The following MICAL3 variants were observed in gnomAD, a reference collection of about 807,000 sequenced individuals.
The protein encoded by MICAL3 is [F-actin]-monooxygenase MICAL3.
In MICAL3, 62 loss-of-function variants were observed where a neutral mutation model predicts 207.4. The observed-to-expected ratio is 0.30, with a 90% CI of 0.24 to 0.37. The LOEUF is 0.37. Ranked by LOEUF, MICAL3 falls within the 10% of genes least tolerant of loss-of-function variation. MICAL3 has a pLI of 1.00. For missense variants in MICAL3, 2,368 were observed against 2,635.6 expected, an observed-to-expected ratio of 0.90 and a Z score of 2.22; for synonymous variants, 1,077 against 1,069.3, an observed-to-expected ratio of 1.01 and a Z score of -0.14.
intron 1 of MICAL3, among the ~76,000 whole-genome samples, chr22:17,936,139 C>A (rs1034776318): frequency 1.3e-5 from 2 of 152,108 alleles, no homozygotes; most frequent in African/African-American, 4.8e-5. Flanking sequence ...ATGTTTATTG[C>A]GGCACTATTC....
intron 12 of MICAL3, 101 bp from the exon 13 acceptor site, chr22:17,889,331 A>C: frequency 2.4e-6 from 2 of 844,210 alleles, no homozygotes; most frequent in Non-Finnish European, 3.7e-6. Flanking sequence ...TTTCAGCTAA[A>C]ATCCAGGGTG....
chr22:17,948,152 C>G (rs5992910), intron 1 of MICAL3, among the ~76,000 whole-genome samples: 3,721 of 152,312 alleles, frequency 0.024, 142 homozygotes, highest in African/African-American at 0.078. Context: ...AAAGAAATCA[C>G]ACTGCAGTCT....
At chr22:17,932,784 A>G (rs958290627) in intron 1 of MICAL3, among the ~76,000 whole-genome samples, 3 of 152,232 alleles carry the variant, frequency 2.0e-5, no homozygotes, top group African/African-American at 7.2e-5. Flanking sequence ...AGATCTACCA[A>G]GCAAATGGAA....
At position 17,896,416 on chromosome 22, in the gene MICAL3, G is replaced by A. The variant is rs552778585; in HGVS notation, c.1207-55C>T. The A allele has an allele frequency of 4.2e-4, 461 of 1,104,606 alleles. 2 individuals are homozygous for A. Among genetic ancestry groups the A allele is most frequent in the Middle Eastern group, 1.4e-3 (7 of 5,030 alleles). 68.4% of individuals were successfully genotyped at this position (1,104,606 alleles called of 1,614,324 possible). On this transcript the variant is annotated intron_variant, in intron 8 of 31. Transcript: ENST00000441493. ...AAATATAACACACCTTTCAAAATGG[G>A]AAAAATAAACTAAGGAACAAAGAGT...
intron 29 of MICAL3, among the ~76,000 whole-genome samples, chr22:17,799,360 C>T (rs1162016683): frequency 6.6e-6 from 1 of 152,122 alleles, no homozygotes; most frequent in African/African-American, 2.4e-5. Context: ...GGTTCCAGCC[C>T]GGGTGACAGA....
At chr22:18,020,994 C>T (rs374425865) in intron 1 of MICAL3, among the ~76,000 whole-genome samples, 177 of 152,052 alleles carry the variant, frequency 1.2e-3, no homozygotes, top group African/African-American at 4.2e-3. Context: ...GATTTCATGA[C>T]TCACTGATGA....
intron 20 of MICAL3, chr22:17,834,498 T>A (rs1055349262): frequency 5.6e-6 from 7 of 1,258,854 alleles, no homozygotes; most frequent in Non-Finnish European, 6.2e-6. Flanking sequence ...GGTGGATCAT[T>A]TGAGCCCAGG....
At chr22:17,962,893 A>G (rs913258726) in intron 1 of MICAL3, among the ~76,000 whole-genome samples, 8 of 152,034 alleles carry the variant, frequency 5.3e-5, no homozygotes, top group African/African-American at 1.9e-4. Context: ...TAGCCTCAGG[A>G]GCACACCACC....
intron 21 of MICAL3, among the ~76,000 whole-genome samples, chr22:17,830,201 A>C (rs993045484): frequency 6.6e-6 from 1 of 152,072 alleles, no homozygotes; most frequent in Non-Finnish European, 1.5e-5. Flanking sequence ...GGAATCCCAC[A>C]GCGCGATCAA....
At chr22:17,956,885 C>T (rs1381973218) in intron 1 of MICAL3, among the ~76,000 whole-genome samples, 1 of 152,190 alleles carries the variant, frequency 6.6e-6, no homozygotes, top group African/African-American at 2.4e-5. Flanking sequence ...CTTACTAGAG[C>T]CAGTGATGCA....
Position 17,904,836 on chromosome 22 carries a change from G to C in MICAL3, c.268C>G (p.Leu90Val), listed in dbSNP as rs1931599800. The C allele has an allele frequency of 6.2e-7, 1 of 1,612,224 alleles. No individual in the cohort carries two copies. Among genetic ancestry groups the C allele is most frequent in the Non-Finnish European group, 8.5e-7 (1 of 1,178,418 alleles). ...KGKACTNTKC[L>V]IIGAGPCGLR... ...CCACAGGGGCCAGCCCCAATGATGA[G>C]ACACTGAAAAACACAGCTGCTTTCA... The change falls in exon 3 of 32, where the codon CTC (leucine) becomes GTC (valine). Residue 90 changes from leucine (L) to valine (V), a missense_variant. Leu to Val is a conservative substitution (Grantham distance 32). Transcript: ENST00000441493.
At position 17,931,883 on chromosome 22, in the gene MICAL3, C is replaced by CAAAA. The variant is rs548468070; in HGVS notation, c.-74-24998_-74-24997insTTTT. Among the ~76,000 whole-genome samples, 520 of 152,314 alleles carry CAAAA rather than the reference C, an allele frequency of 3.4e-3. 1 individual carries two copies. Among genetic ancestry groups the CAAAA allele is most frequent in the African/African-American group, 0.012 (484 of 41,556 alleles). Reference sequence around the variant, plus strand: ...TCTTGCCACCTTTCACTTCATTTGGCACATTATTTATTGAGTGCACAGTAT... The same window carrying CAAAA: ...TCTTGCCACCTTTCACTTCATTTGGCAAAAACATTATTTATTGAGTGCACAGTAT... On this transcript the variant is annotated intron_variant, in intron 1 of 31. Transcript: ENST00000441493.
chr22:17,985,377 A>C, intron 1 of MICAL3, among the ~76,000 whole-genome samples: 1 of 151,404 alleles, frequency 6.6e-6, no homozygotes, highest in Admixed American at 6.6e-5. Flanking sequence ...CGTAACCTCT[A>C]CTCCCTCTGC....
chr22:17,894,882 C>T (rs1356081441), intron 10 of MICAL3, among the ~76,000 whole-genome samples: 2 of 151,788 alleles, frequency 1.3e-5, no homozygotes, highest in Non-Finnish European at 2.9e-5. Flanking sequence ...TGTGAGTAGT[C>T]AGGGATTATT....
chr22:17,926,139 A>G (rs1932920314), intron 1 of MICAL3, among the ~76,000 whole-genome samples: 1 of 152,142 alleles, frequency 6.6e-6, no homozygotes, highest in African/African-American at 2.4e-5. Context: ...CAAAGATGCA[A>G]TGAAAGGACA....
intron 25 of MICAL3, among the ~76,000 whole-genome samples, chr22:17,820,924 A>AAATTTTAATAAATTTATGTTTATAAACAT (rs1921541852): frequency 7.1e-6 from 1 of 141,800 alleles, no homozygotes; most frequent in Non-Finnish European, 1.5e-5. Context: ...TTATAAACAT[A>AAATTTTAATAAATTTATGTTTATAAACAT]AATTTTAATA....
At chr22:17,895,258 T>C (rs1294606686) in intron 10 of MICAL3, 26 bp downstream of exon 10, 1 of 1,611,378 alleles carries the variant, frequency 6.2e-7, no homozygotes, top group Non-Finnish European at 8.5e-7. Context: ...TGGGCCCAGA[T>C]GTAAATACTG....
At chr22:17,986,600 A>G (rs2146451487) in intron 1 of MICAL3, among the ~76,000 whole-genome samples, 2 of 152,250 alleles carry the variant, frequency 1.3e-5, no homozygotes, top group Admixed American at 1.3e-4. Context: ...AAGACTGAGC[A>G]TTTAGTTAAG....
chr22:17,971,676 A>G (rs1219075282), intron 1 of MICAL3, among the ~76,000 whole-genome samples: 1 of 152,242 alleles, frequency 6.6e-6, no homozygotes, highest in Admixed American at 6.5e-5. Context: ...ACAGTGGTGG[A>G]CACAGCCATC....
Sources: allele counts gnomAD v4.1 joint callset (sites outside exome capture counted in the v4.1 genomes callset), GRCh38; gene constraint gnomAD v4.1.1; transcripts MANE v1.5; gene names NCBI Gene and HGNC (gene_info 2026-07-23, HGNC 2026-07-21).